Variants in VGLL3 observed in about 807,000 individuals in gnomAD.
VGLL3 encodes vestigial like family member 3, also known as transcription cofactor vestigial-like protein 3.
VGLL3 carries 18 observed loss-of-function variants against 29.2 expected under a neutral mutation model. That is an observed-to-expected ratio of 0.62 (90% confidence interval 0.43 to 0.91). The LOEUF is 0.91. VGLL3 is among the 40% of genes least tolerant of loss of function. VGLL3 has a pLI of 0.00. For missense variants in VGLL3, 440 were observed against 413.2 expected, an observed-to-expected ratio of 1.06 and a Z score of -0.56; for synonymous variants, 180 against 151.8, an observed-to-expected ratio of 1.19 and a Z score of -1.36.
chr3:86,955,978 G>A (rs1156494178), intron 3 of VGLL3, among the ~76,000 whole-genome samples: 1 of 152,170 alleles, frequency 6.6e-6, no homozygotes, highest in African/African-American at 2.4e-5. Flanking sequence ...TTCAGAACAT[G>A]TTGCCTGCAG....
chr3:86,990,637 G>A lies in VGLL3; in HGVS notation c.107C>T (p.Ala36Val). The change falls in exon 1 of 4, where the codon GCG becomes GTG. Residue 36 changes from alanine (A) to valine (V), a missense_variant. By Grantham distance (64) the Ala-to-Val change is moderately conservative (BLOSUM62 0). Coordinates refer to ENST00000398399, the MANE Select transcript of VGLL3 (RefSeq NM_016206.4). ...TTCPTAYYQP[A>V]PQPGQQKKLA... is the part of the protein sequence containing the mutation. ...ACTCACCTGCTGGCCAGGTTGGGGC[G>A]CCGGCTGATAGTAGGCTGTGGGGCA... 3 of 1,369,650 alleles carry A rather than the reference G, an allele frequency of 2.2e-6. No individual in the cohort carries two copies. The highest frequency in any genetic ancestry group is 2.8e-5 in the East Asian group (1 of 35,966). The allele number at this position is 1,369,650 out of a possible 1,614,324, so 84.8% of individuals were successfully genotyped here.
At chr3:86,966,173 G>T (rs970330456) in intron 3 of VGLL3, among the ~76,000 whole-genome samples, 6 of 151,972 alleles carry the variant, frequency 3.9e-5, no homozygotes, top group African/African-American at 1.2e-4. Context: ...CTTGGATTAC[G>T]TTTTTCAGAG....
intron 3 of VGLL3, among the ~76,000 whole-genome samples, chr3:86,950,788 A>G (rs1704601501): frequency 6.6e-6 from 1 of 152,196 alleles, no homozygotes; most frequent in African/African-American, 2.4e-5. Flanking sequence ...GTCTCTCTAT[A>G]TGTATCTTTA....
intron 1 of VGLL3, among the ~76,000 whole-genome samples, chr3:86,982,294 G>A (rs1268799650): frequency 1.3e-5 from 2 of 152,024 alleles, no homozygotes; most frequent in Non-Finnish European, 2.9e-5. Flanking sequence ...ACAGGTGCCT[G>A]CCACGATGCC....
intron 3 of VGLL3, among the ~76,000 whole-genome samples, chr3:86,952,847 CAT>C: frequency 6.6e-6 from 1 of 152,296 alleles, no homozygotes; most frequent in African/African-American, 2.4e-5. Flanking sequence ...GACACATTGA[CAT>C]ATGATCACAA....
rs1186238685 is a variant in VGLL3, at chr3:86,940,509, C to T, written c.*6515G>A. 1 of 152,342 alleles carries T rather than the reference C, an allele frequency of 6.6e-6. No homozygotes were observed. Among genetic ancestry groups the T allele is most frequent in the East Asian group, 1.9e-4 (1 of 5,178 alleles). The allele number at this position is 152,342 out of a possible 1,614,324, so 9.4% of individuals were successfully genotyped here. On this transcript the variant is annotated 3_prime_UTR_variant, in exon 4 of 4. Transcript: ENST00000398399. ...GAAATTAACTTCTTAATTAATAACACCTAAGATGTTGTAATTTCCAAAATA... is the reference window on the plus strand; with the variant it reads ...GAAATTAACTTCTTAATTAATAACATCTAAGATGTTGTAATTTCCAAAATA...
intron 1 of VGLL3, among the ~76,000 whole-genome samples, chr3:86,980,735 T>G (rs1484305005): frequency 2.0e-5 from 3 of 152,128 alleles, no homozygotes; most frequent in Non-Finnish European, 4.4e-5. Flanking sequence ...ATCACAGTGC[T>G]GCTTCTTCGG....
At position 86,990,669 on chromosome 3, in the gene VGLL3, C is replaced by A; in HGVS notation, c.75G>T (p.Ala25=). ...GATAGTAGGCTGTGGGGCAGGTTGT[C>A]GCTGCCATGGGGTTGGGCAGATACT... ...ASQYLPNPMA[A]TTCPTAYYQP... is the part of the protein sequence containing the mutation. Residue 25 remains alanine, a synonymous_variant, in exon 1 of 4, where the codon GCG becomes GCT. Transcript: ENST00000398399. 7.1e-7 allele frequency: 1 copy of A among 1,404,876 alleles called. No homozygotes were observed. Among genetic ancestry groups the A allele is most frequent in the South Asian group, 1.9e-5 (1 of 52,860 alleles). The allele number at this position is 1,404,876 out of a possible 1,614,324, so 87.0% of individuals were successfully genotyped here.
chr3:86,978,858 C>G, intron 1 of VGLL3, 56 bp from the exon 2 acceptor site: 1 of 1,490,284 alleles, frequency 6.7e-7, no homozygotes, highest in Non-Finnish European at 8.9e-7. Context: ...AAAGCATTCA[C>G]TAGTTAAGTT....
chr3:86,980,874 A>G (rs1264342498), intron 1 of VGLL3, among the ~76,000 whole-genome samples: 3 of 151,810 alleles, frequency 2.0e-5, no homozygotes, highest in East Asian at 1.9e-4. Context: ...ACCTATCTAC[A>G]TGGTGGCATC....
At chr3:86,950,248 A>G (rs1458603053) in intron 3 of VGLL3, among the ~76,000 whole-genome samples, 1 of 152,006 alleles carries the variant, frequency 6.6e-6, no homozygotes, top group Non-Finnish European at 1.5e-5. Flanking sequence ...AGTAGAAAGG[A>G]AAAAAAATCA....
chr3:86,954,914 A>G (rs1159506158), intron 3 of VGLL3, among the ~76,000 whole-genome samples: 1 of 152,052 alleles, frequency 6.6e-6, no homozygotes, highest in Non-Finnish European at 1.5e-5. Flanking sequence ...AAAAAAAAAA[A>G]GCTTGGATCA....
At chr3:86,987,530 C>T (rs1705474488) in intron 1 of VGLL3, among the ~76,000 whole-genome samples, 1 of 152,132 alleles carries the variant, frequency 6.6e-6, no homozygotes, top group African/African-American at 2.4e-5. Flanking sequence ...AAACCTTTGA[C>T]AGCATGTGCT....
In VGLL3 at chr3:86,938,434, T is replaced by C. The variant is rs1336276082; in HGVS notation, c.*8590A>G. 1 of 152,628 alleles carries C rather than the reference T, an allele frequency of 6.6e-6. No homozygotes were observed. The highest frequency in any genetic ancestry group is 1.5e-5 in the Non-Finnish European group (1 of 68,020). 9.5% of individuals were successfully genotyped at this position (152,628 alleles called of 1,614,324 possible). On this transcript the variant is annotated 3_prime_UTR_variant, in exon 4 of 4. Coordinates refer to ENST00000398399, the MANE Select transcript of VGLL3 (RefSeq NM_016206.4). ...AAGCTATATTTTCCTTTTAGCAAGATCCACAAGAAAGGATAGAGTGTCATG... is the reference window on the plus strand; with the variant it reads ...AAGCTATATTTTCCTTTTAGCAAGACCCACAAGAAAGGATAGAGTGTCATG...
intron 3 of VGLL3, among the ~76,000 whole-genome samples, chr3:86,957,911 A>G (rs1269733661): frequency 6.6e-6 from 1 of 152,058 alleles, no homozygotes; most frequent in African/African-American, 2.4e-5. Context: ...TTTCCTCCTC[A>G]AACTCCTATT....
chr3:86,962,229 G>A (rs1011668549), intron 3 of VGLL3: 2 of 985,220 alleles, frequency 2.0e-6, no homozygotes, highest in Non-Finnish European at 1.2e-6. Context: ...TCATTTCAAG[G>A]TACCTGTATG....
intron 1 of VGLL3, among the ~76,000 whole-genome samples, chr3:86,987,803 C>T (rs1289744261): frequency 6.8e-6 from 1 of 148,100 alleles, no homozygotes; most frequent in Non-Finnish European, 1.5e-5. Context: ...GCAGTGCAAG[C>T]TAATATATAT....
chr3:86,969,674 AT>A (rs1261384518), intron 2 of VGLL3, among the ~76,000 whole-genome samples: 1 of 139,670 alleles, frequency 7.2e-6, no homozygotes, highest in Non-Finnish European at 1.6e-5. Flanking sequence ...TTCCAACCTC[AT>A]TTTATTTATT....
intron 1 of VGLL3, among the ~76,000 whole-genome samples, chr3:86,980,319 T>G (rs1451650046): frequency 2.6e-5 from 4 of 152,126 alleles, no homozygotes; most frequent in African/African-American, 9.7e-5. Flanking sequence ...TTCAATAAAT[T>G]GGTCCCTTTC....
Sources: gnomAD v4.1 joint callset for allele counts (sites outside exome capture counted in the v4.1 genomes callset) on GRCh38, gnomAD v4.1.1 for gene constraint, MANE v1.5 for transcripts, NCBI Gene and HGNC (gene_info 2026-07-23, HGNC 2026-07-21) for gene names.